KLHL29: variants seen among roughly 807,000 people sequenced by gnomAD.
KLHL29 encodes the protein kelch-like protein 29.
In KLHL29, 21 loss-of-function variants were observed where a neutral mutation model predicts 80.4. The observed-to-expected ratio is 0.26, with a 90% CI of 0.19 to 0.38. The LOEUF (loss-of-function observed/expected upper bound fraction) is 0.38. Ranked by LOEUF, KLHL29 falls within the 10% of genes least tolerant of loss-of-function variation. The pLI is 1.00. For synonymous variants in KLHL29, 511 were observed against 526.8 expected (o/e 0.97, Z 0.41); for missense variants, 867 against 1,223.9 (o/e 0.71, Z 4.35).
At chr2:23,462,056 C>A (rs1190001610) in intron 1 of KLHL29, among the ~76,000 whole-genome samples, 1 of 150,854 alleles carries the variant, frequency 6.6e-6, no homozygotes, top group Non-Finnish European at 1.5e-5. Flanking sequence ...TTCCTTCCAC[C>A]CATGAGAAGA....
At chr2:23,576,940 T>C (rs1445549729) in intron 3 of KLHL29, among the ~76,000 whole-genome samples, 1 of 152,156 alleles carries the variant, frequency 6.6e-6, no homozygotes, top group Non-Finnish European at 1.5e-5. Flanking sequence ...CACCAGCAGC[T>C]TTGTCCCTGG....
At chr2:23,545,285 C>T (rs966593009) in intron 2 of KLHL29, among the ~76,000 whole-genome samples, 2 of 152,228 alleles carry the variant, frequency 1.3e-5, no homozygotes, top group East Asian at 3.8e-4. Flanking sequence ...CAAGAGCCTC[C>T]TTCCAAGCAC....
At chr2:23,458,180 G>A (rs574844145) in intron 1 of KLHL29, among the ~76,000 whole-genome samples, 2 of 152,262 alleles carry the variant, frequency 1.3e-5, no homozygotes, top group African/African-American at 4.8e-5. Flanking sequence ...CAGACACCAG[G>A]GACCTACTGG....
intron 1 of KLHL29, among the ~76,000 whole-genome samples, chr2:23,474,730 A>G (rs1257957404): frequency 6.6e-6 from 1 of 152,164 alleles, no homozygotes; most frequent in Non-Finnish European, 1.5e-5. Context: ...TAACTTATTT[A>G]CCTGTCCAAA....
At chr2:23,705,101 G>A (rs1249906571) in intron 13 of KLHL29, among the ~76,000 whole-genome samples, 3 of 152,244 alleles carry the variant, frequency 2.0e-5, no homozygotes, top group Non-Finnish European at 4.4e-5. Context: ...TGGTGGCAGT[G>A]TGCAGAGCAC....
intron 6 of KLHL29, chr2:23,691,426 G>A (rs1671593208): frequency 8.9e-6 from 5 of 564,866 alleles, no homozygotes; most frequent in Non-Finnish European, 3.2e-6. Context: ...TTTTTGATTT[G>A]CATCTTTTTT....
chr2:23,422,856 G>A (rs1035965783), intron 1 of KLHL29, among the ~76,000 whole-genome samples: 2 of 152,242 alleles, frequency 1.3e-5, no homozygotes, highest in Non-Finnish European at 2.9e-5. Context: ...ACTCCTGATG[G>A]ATGCCGCTGT....
chr2:23,448,366 C>T (rs1003084596), intron 1 of KLHL29, among the ~76,000 whole-genome samples: 1 of 152,196 alleles, frequency 6.6e-6, no homozygotes, highest in Non-Finnish European at 1.5e-5. Flanking sequence ...CCCTTTGAGG[C>T]AGTTGATATC....
chr2:23,490,788 G>C (rs1665075335), intron 2 of KLHL29, among the ~76,000 whole-genome samples: 1 of 152,100 alleles, frequency 6.6e-6, no homozygotes, highest in Non-Finnish European at 1.5e-5. Context: ...TACATGGATG[G>C]CTCCCAACCT....
At chr2:23,477,659 GC>G (rs1244075507) in intron 2 of KLHL29, among the ~76,000 whole-genome samples, 1 of 152,236 alleles carries the variant, frequency 6.6e-6, no homozygotes, top group Non-Finnish European at 1.5e-5. Flanking sequence ...TAGCGATATC[GC>G]CGGCACTGGG....
chr2:23,588,426 G>A (rs1043087787), intron 3 of KLHL29, among the ~76,000 whole-genome samples: 2 of 152,170 alleles, frequency 1.3e-5, no homozygotes, highest in African/African-American at 2.4e-5. Context: ...CCCCTTGCCC[G>A]CCTGGGCCCT....
At chr2:23,496,908 C>G (rs1665282765) in intron 2 of KLHL29, among the ~76,000 whole-genome samples, 1 of 152,160 alleles carries the variant, frequency 6.6e-6, no homozygotes. Flanking sequence ...ATTTGCCCTC[C>G]AAACACTGCA....
intron 3 of KLHL29, among the ~76,000 whole-genome samples, chr2:23,578,100 A>G (rs1667888648): frequency 6.6e-6 from 1 of 152,142 alleles, no homozygotes; most frequent in African/African-American, 2.4e-5. Context: ...CTTCTGTCCT[A>G]TGGCATGCCT....
At chr2:23,691,897 T>G in intron 7 of KLHL29, 21 bp downstream of exon 7, 3 of 1,545,250 alleles carry the variant, frequency 1.9e-6, no homozygotes, top group Non-Finnish European at 2.6e-6. Flanking sequence ...GGGCCACATA[T>G]GTCGCTTGGG....
intron 2 of KLHL29, among the ~76,000 whole-genome samples, chr2:23,558,195 AATAC>A (rs35148845): frequency 0.37 from 55,588 of 151,604 alleles, 12,384 homozygotes; most frequent in Non-Finnish European, 0.49. Context: ...TACTGTGGTG[AATAC>A]ATAACATCCT....
intron 2 of KLHL29, among the ~76,000 whole-genome samples, chr2:23,542,165 C>G (rs1013070792): frequency 2.0e-5 from 3 of 152,176 alleles, no homozygotes; most frequent in Non-Finnish European, 4.4e-5. Context: ...TCTAAAATAG[C>G]CTCTCAGAAT....
intron 1 of KLHL29, among the ~76,000 whole-genome samples, chr2:23,470,014 CA>C (rs11317777): frequency 0.033 from 4,204 of 128,062 alleles, 120 homozygotes; most frequent in African/African-American, 0.084. Flanking sequence ...TGCTGTGTAT[CA>C]AAAAAAAAAA....
chr2:23,595,780 G>A (rs745554228), intron 3 of KLHL29, among the ~76,000 whole-genome samples: 1 of 152,150 alleles, frequency 6.6e-6, no homozygotes, highest in Non-Finnish European at 1.5e-5. Flanking sequence ...CCCTCTGCAG[G>A]TCCTCCTCCA....
intron 2 of KLHL29, chr2:23,507,164 C>T (rs377602812): frequency 5.6e-5 from 23 of 407,118 alleles, no homozygotes; most frequent in Middle Eastern, 3.8e-4. Context: ...CGCTCACTCC[C>T]GTGCATGCCA....
Sources: gnomAD v4.1 joint callset for allele counts (sites outside exome capture counted in the v4.1 genomes callset) on GRCh38, gnomAD v4.1.1 for gene constraint, MANE v1.5 for transcripts, NCBI Gene and HGNC (gene_info 2026-07-23, HGNC 2026-07-21) for gene names.